Variants in SLC14A2 observed in about 807,000 individuals in gnomAD.
SLC14A2 encodes the protein solute carrier family 14 member 2.
In SLC14A2, 91 loss-of-function variants were observed where a neutral mutation model predicts 104.6. The ratio of observed to expected loss-of-function variants is 0.87; its 90% CI spans 0.73 to 1.04. SLC14A2 has a LOEUF of 1.04. Among genes scored for constraint, SLC14A2 ranks in the 50% least tolerant of loss-of-function variants. The probability of loss-of-function intolerance (pLI) is 0.00; values close to 1 mark genes in which losing one functional copy is unlikely to be tolerated. For missense variants in SLC14A2, 1,189 were observed against 1,156.0 expected, an observed-to-expected ratio of 1.03 and a Z score of -0.41; for synonymous variants, 476 against 466.4, an observed-to-expected ratio of 1.02 and a Z score of -0.27.
chr18:45,504,321 C>T (rs1303390946), intron 2 of SLC14A2, among the ~76,000 whole-genome samples: 3 of 152,118 alleles, frequency 2.0e-5, no homozygotes, highest in Admixed American at 1.3e-4. Context: ...CTTAAGGTAC[C>T]AAGGATAGCA....
At chr18:45,474,858 T>G (rs537243138) in intron 1 of SLC14A2, among the ~76,000 whole-genome samples, 88 of 152,272 alleles carry the variant, frequency 5.8e-4, no homozygotes, top group Non-Finnish European at 1.0e-3. Context: ...TTTGAAGGGT[T>G]TTTTGTGTCT....
intron 2 of SLC14A2, among the ~76,000 whole-genome samples, chr18:45,545,798 T>C (rs1307008581): frequency 2.0e-5 from 3 of 152,226 alleles, no homozygotes; most frequent in Non-Finnish European, 4.4e-5. Context: ...CTAGTTTAAT[T>C]GTGCGATGCT....
chr18:45,194,007 T>C, the SLC14A2 span, among the ~76,000 whole-genome samples: 2 of 152,086 alleles, frequency 1.3e-5, no homozygotes, highest in Non-Finnish European at 2.9e-5. Context: ...TTTACAATTA[T>C]TATTTGGTAA....
chr18:45,436,554 A>G (rs966097491), intron 1 of SLC14A2: 5 of 152,016 alleles, frequency 3.3e-5, no homozygotes, highest in East Asian at 1.9e-4. Flanking sequence ...TCTCCCTACA[A>G]TTTTTTTCTC....
intron 10 of SLC14A2, among the ~76,000 whole-genome samples, chr18:45,648,903 G>A (rs2045676653): frequency 6.6e-6 from 1 of 152,100 alleles, no homozygotes; most frequent in Non-Finnish European, 1.5e-5. Context: ...TCTGCTAGCA[G>A]TTACTGCTCC....
At chr18:45,493,980 G>C (rs1049536425) in intron 2 of SLC14A2, among the ~76,000 whole-genome samples, 6 of 152,168 alleles carry the variant, frequency 3.9e-5, no homozygotes, top group African/African-American at 1.4e-4. Flanking sequence ...CTACATTCCT[G>C]CCAAATCATG....
At chr18:45,297,845 G>A (rs1005024261) in intron 1 of SLC14A2, among the ~76,000 whole-genome samples, 11 of 152,142 alleles carry the variant, frequency 7.2e-5, no homozygotes, top group East Asian at 1.9e-4. Context: ...ACCAACCCAC[G>A]GAACTGACCA....
chr18:45,572,362 T>C (rs949121969), intron 2 of SLC14A2, among the ~76,000 whole-genome samples: 2 of 152,240 alleles, frequency 1.3e-5, no homozygotes, highest in African/African-American at 4.8e-5. Context: ...TGACCTCTTA[T>C]GCTAGTGTTC....
intron 2 of SLC14A2, among the ~76,000 whole-genome samples, chr18:45,570,434 C>CAAAT (rs1228677357): frequency 5.9e-5 from 9 of 152,176 alleles, no homozygotes; most frequent in African/African-American, 1.4e-4. Flanking sequence ...TATATGTACC[C>CAAAT]AAATACCAGA....
intron 1 of SLC14A2, among the ~76,000 whole-genome samples, chr18:45,401,256 C>A (rs2086092800): frequency 6.6e-6 from 1 of 152,196 alleles, no homozygotes; most frequent in South Asian, 2.1e-4. Context: ...TTGTTTCTAT[C>A]ACTATCAGCA....
chr18:45,229,311 G>GT (rs1234057693), intron 1 of SLC14A2, among the ~76,000 whole-genome samples: 1 of 152,072 alleles, frequency 6.6e-6, no homozygotes, highest in East Asian at 1.9e-4. Context: ...TAATTAAGAG[G>GT]TTAAATATTA....
intron 10 of SLC14A2, among the ~76,000 whole-genome samples, chr18:45,657,243 G>A (rs1281690254): frequency 2.0e-5 from 3 of 152,136 alleles, no homozygotes; most frequent in Non-Finnish European, 2.9e-5. Context: ...AGGCAGAAGC[G>A]GGTGGATCAC....
chr18:45,617,623 T>G (rs1964967743), intron 1 of SLC14A2, among the ~76,000 whole-genome samples: 1 of 152,172 alleles, frequency 6.6e-6, no homozygotes, highest in Non-Finnish European at 1.5e-5. Context: ...CTGCCTTGTC[T>G]TCTTAGTGCC....
At chr18:45,423,398 C>A (rs777928104) in intron 1 of SLC14A2, among the ~76,000 whole-genome samples, 1 of 152,206 alleles carries the variant, frequency 6.6e-6, no homozygotes, top group Non-Finnish European at 1.5e-5. Context: ...GCCCTTTGCT[C>A]AGGACCCCCT....
chr18:45,585,351 C>CCT (rs1332918631), intron 2 of SLC14A2, among the ~76,000 whole-genome samples: 1 of 152,128 alleles, frequency 6.6e-6, no homozygotes, highest in African/African-American at 2.4e-5. Context: ...TATTGCCTCC[C>CCT]CTCTCTAGAA....
At chr18:45,244,793 G>T (rs983368489) in intron 1 of SLC14A2, among the ~76,000 whole-genome samples, 1 of 152,116 alleles carries the variant, frequency 6.6e-6, no homozygotes, top group South Asian at 2.1e-4. Flanking sequence ...GAAAGAGGCA[G>T]AAAAAATAAG....
At chr18:45,360,959 T>C (rs1201705733) in intron 1 of SLC14A2, among the ~76,000 whole-genome samples, 2 of 152,214 alleles carry the variant, frequency 1.3e-5, no homozygotes, top group Non-Finnish European at 2.9e-5. Flanking sequence ...ATTCACTTTT[T>C]TCTCTACTCA....
At chr18:45,195,249 C>A in the SLC14A2 span, among the ~76,000 whole-genome samples, 1 of 152,168 alleles carries the variant, frequency 6.6e-6, no homozygotes, top group Non-Finnish European at 1.5e-5. Context: ...TAGCCACAAT[C>A]CAGGACGACA....
chr18:45,444,054 A>C (rs534448894), intron 1 of SLC14A2, among the ~76,000 whole-genome samples: 2 of 152,352 alleles, frequency 1.3e-5, no homozygotes, highest in South Asian at 2.1e-4. Context: ...ACAGTAGAGT[A>C]ACCATTACCA....
Sources: gnomAD v4.1 joint callset for allele counts (sites outside exome capture counted in the v4.1 genomes callset) on GRCh38, gnomAD v4.1.1 for gene constraint, MANE v1.5 for transcripts, NCBI Gene and HGNC (gene_info 2026-07-23, HGNC 2026-07-21) for gene names.